KCND3: variants seen among roughly 807,000 people sequenced by gnomAD.
KCND3 encodes A-type voltage-gated potassium channel KCND3.
A neutral mutation model predicts 51.1 loss-of-function variants in KCND3; 9 were observed. The observed-to-expected ratio is 0.18, with a 90% confidence interval of 0.11 to 0.31. The LOEUF (loss-of-function observed/expected upper bound fraction) is 0.31. Among genes scored for constraint, KCND3 ranks in the 10% least tolerant of loss-of-function variants. KCND3 has a pLI of 1.00. For missense variants in KCND3, 526 were observed against 903.8 expected (o/e 0.58, Z 5.36); for synonymous variants, 349 against 368.0 (o/e 0.95, Z 0.59).
intron 2 of KCND3, among the ~76,000 whole-genome samples, chr1:111,818,821 C>T (rs1377894301): frequency 2.0e-5 from 3 of 152,082 alleles, no homozygotes; most frequent in African/African-American, 4.8e-5. Flanking sequence ...CAGGTGCTGT[C>T]CCAGGGGAGA....
At chr1:111,867,857 G>A (rs1668646118) in intron 2 of KCND3, among the ~76,000 whole-genome samples, 2 of 152,214 alleles carry the variant, frequency 1.3e-5, no homozygotes, top group South Asian at 4.1e-4. Flanking sequence ...TCATAGGTAA[G>A]AGCACAGGCT....
At chr1:111,784,103 T>TCTCACACACACACA (rs1553236798) in intron 3 of KCND3, among the ~76,000 whole-genome samples, 42 of 117,564 alleles carry the variant, frequency 3.6e-4, no homozygotes, top group African/African-American at 9.9e-4. Context: ...CATTAACTTA[T>TCTCACACACACACA]CACACACACA....
At chr1:111,859,853 G>A (rs1001526604) in intron 2 of KCND3, among the ~76,000 whole-genome samples, 1 of 152,220 alleles carries the variant, frequency 6.6e-6, no homozygotes, top group African/African-American at 2.4e-5. Flanking sequence ...ATAGCCCAAG[G>A]AGGTGGGTAG....
At chr1:111,778,153 T>A (rs1571623113) in intron 6 of KCND3, among the ~76,000 whole-genome samples, 1 of 152,168 alleles carries the variant, frequency 6.6e-6, no homozygotes, top group South Asian at 2.1e-4. Flanking sequence ...CAGACAGATG[T>A]GGCACTTGGA....
chr1:111,953,015 C>G (rs1203281493), intron 2 of KCND3, among the ~76,000 whole-genome samples: 1 of 152,064 alleles, frequency 6.6e-6, no homozygotes, highest in Non-Finnish European at 1.5e-5. Flanking sequence ...TCACTAAATC[C>G]TCACAAAATC....
intron 1 of KCND3, among the ~76,000 whole-genome samples, chr1:111,984,982 C>T (rs1030592941): frequency 5.9e-5 from 9 of 152,180 alleles, no homozygotes; most frequent in Admixed American, 1.3e-4. Flanking sequence ...ACTTTATATA[C>T]ATCTTAATTA....
chr1:111,843,332 A>T (rs1571726894), intron 2 of KCND3, among the ~76,000 whole-genome samples: 5 of 152,358 alleles, frequency 3.3e-5, no homozygotes, highest in Admixed American at 3.3e-4. Context: ...AGCTGTGCAC[A>T]TGGAGAGGGC....
chr1:111,868,014 A>G (rs184728053), intron 2 of KCND3, among the ~76,000 whole-genome samples: 11 of 152,350 alleles, frequency 7.2e-5, no homozygotes, highest in Admixed American at 3.3e-4. Context: ...GAAGATTTCA[A>G]TGAAAGAGGC....
At chr1:111,801,027 G>A (rs1317612823) in intron 2 of KCND3, among the ~76,000 whole-genome samples, 1 of 152,236 alleles carries the variant, frequency 6.6e-6, no homozygotes, top group African/African-American at 2.4e-5. Flanking sequence ...CCTCAGGCCT[G>A]TACCCTGTTT....
chr1:111,805,760 C>T (rs1412216968), intron 2 of KCND3, among the ~76,000 whole-genome samples: 1 of 152,244 alleles, frequency 6.6e-6, no homozygotes, highest in East Asian at 1.9e-4. Context: ...AATGAGCCAC[C>T]TGTGTGGACG....
chr1:111,933,161 C>T (rs1190233131), intron 2 of KCND3, among the ~76,000 whole-genome samples: 1 of 152,176 alleles, frequency 6.6e-6, no homozygotes, highest in African/African-American at 2.4e-5. Flanking sequence ...ATTCTCTTTC[C>T]TGCCACCCTG....
intron 5 of KCND3, among the ~76,000 whole-genome samples, chr1:111,779,697 G>A (rs560834988): frequency 1.3e-5 from 2 of 151,668 alleles, no homozygotes; most frequent in South Asian, 4.2e-4. Flanking sequence ...AGGGTGACTG[G>A]GCAGGGGTGG....
rs558151489 is a variant in KCND3, at chr1:111,878,580, AGT to A, written c.1107-91476_1107-91475del. Among the ~76,000 whole-genome samples the A allele has an allele frequency of 1.7e-3, 253 of 152,344 alleles. 2 individuals carry two copies. Among genetic ancestry groups the A allele is most frequent in the African/African-American group, 5.7e-3 (239 of 41,588 alleles). ...GTGAAGAGAGGCACCCTCGTTGTCA[AGT>A]GTTGGTGCTTTAACCCACACAGCTG... On this transcript the variant is annotated intron_variant, in intron 2 of 7. Coordinates refer to ENST00000302127, the MANE Select transcript of KCND3 (RefSeq NM_001378969.1).
At position 111,772,583 on chromosome 1, in the gene KCND3, G is replaced by A. The variant is rs1663966691; in HGVS notation, c.*3494C>T. The A allele has an allele frequency of 6.6e-6, 1 of 152,200 alleles. No homozygotes were observed. Among genetic ancestry groups the A allele is most frequent in the South Asian group, 2.1e-4 (1 of 4,832 alleles). The allele number at this position is 152,200 out of a possible 1,614,324, so 9.4% of individuals were successfully genotyped here. A position where few individuals can be genotyped will look rare whatever the true frequency, so the allele number is the denominator to read the frequency against. On this transcript the variant is annotated 3_prime_UTR_variant, in exon 8 of 8. Transcript: ENST00000302127. Reference sequence around the variant, plus strand: ...AGACTCGTGTTCTGGTCTCAGATCTGTCATTAAATAACTGCATGACCTTGA... The same window carrying A: ...AGACTCGTGTTCTGGTCTCAGATCTATCATTAAATAACTGCATGACCTTGA...
chr1:111,955,040 C>G (rs1673256436), intron 2 of KCND3, among the ~76,000 whole-genome samples: 1 of 152,210 alleles, frequency 6.6e-6, no homozygotes, highest in African/African-American at 2.4e-5. Context: ...TTCCCAACTC[C>G]AGGCCTTTCT....
chr1:111,868,850 C>G (rs1390300089), intron 2 of KCND3, among the ~76,000 whole-genome samples: 2 of 152,178 alleles, frequency 1.3e-5, no homozygotes, highest in African/African-American at 4.8e-5. Flanking sequence ...ATCCTCCCAT[C>G]TTAGCCTTCT....
At chr1:111,897,591 G>C (rs1670183485) in intron 2 of KCND3, among the ~76,000 whole-genome samples, 1 of 152,208 alleles carries the variant, frequency 6.6e-6, no homozygotes, top group Admixed American at 6.5e-5. Flanking sequence ...TGCCTATGTG[G>C]GGCCAGGTAG....
At chr1:111,988,276 C>G (rs993862272) in intron 1 of KCND3, among the ~76,000 whole-genome samples, 6 of 152,160 alleles carry the variant, frequency 3.9e-5, no homozygotes, top group African/African-American at 1.4e-4. Context: ...GTGAACCAAG[C>G]TGGGGATCCT....
At chr1:111,842,318 G>A (rs904935271) in intron 2 of KCND3, among the ~76,000 whole-genome samples, 1 of 152,200 alleles carries the variant, frequency 6.6e-6, no homozygotes, top group Non-Finnish European at 1.5e-5. Flanking sequence ...ATGCCTGCCT[G>A]CCCTTTAATT....
Sources: gnomAD v4.1 joint callset for allele counts (sites outside exome capture counted in the v4.1 genomes callset) on GRCh38, gnomAD v4.1.1 for gene constraint, MANE v1.5 for transcripts, NCBI Gene and HGNC (gene_info 2026-07-23, HGNC 2026-07-21) for gene names.